The following ARIH1 variants were observed in gnomAD, a reference collection of about 807,000 sequenced individuals.
ARIH1 encodes the protein E3 ubiquitin-protein ligase ARIH1.
In ARIH1, 8 loss-of-function variants were observed where a neutral mutation model predicts 85.0. The ratio of observed to expected loss-of-function variants is 0.09; its 90% CI spans 0.06 to 0.17. ARIH1 has a LOEUF of 0.17. ARIH1 is among the 10% of genes least tolerant of loss of function. The pLI, the probability that ARIH1 is intolerant of heterozygous loss-of-function variation, is 1.00. For synonymous variants in ARIH1, 238 were observed against 253.6 expected (o/e 0.94, Z 0.59); for missense variants, 311 against 718.1 (o/e 0.43, Z 6.48).
At chr15:72,533,581 C>G (rs2064067706) in intron 2 of ARIH1, among the ~76,000 whole-genome samples, 1 of 152,092 alleles carries the variant, frequency 6.6e-6, no homozygotes, top group African/African-American at 2.4e-5. Flanking sequence ...TAATTCCGCT[C>G]TCAGGTATAT....
chr15:72,506,258 G>A (rs1049317063), intron 1 of ARIH1, among the ~76,000 whole-genome samples: 1 of 148,894 alleles, frequency 6.7e-6, no homozygotes, highest in Non-Finnish European at 1.5e-5. Flanking sequence ...GCTGAGGCAG[G>A]GGAATGGCGT....
At chr15:72,517,029 TAGTG>T (rs1400334686) in intron 1 of ARIH1, among the ~76,000 whole-genome samples, 1 of 152,186 alleles carries the variant, frequency 6.6e-6, no homozygotes, top group Non-Finnish European at 1.5e-5. Flanking sequence ...TGTGCACAAA[TAGTG>T]AGCTCACTAG....
At chr15:72,513,579 C>T (rs1403453035) in intron 1 of ARIH1, among the ~76,000 whole-genome samples, 1 of 152,020 alleles carries the variant, frequency 6.6e-6, no homozygotes, top group East Asian at 1.9e-4. Flanking sequence ...TGTCGCTTTT[C>T]CTTCTTTCCT....
In ARIH1 at chr15:72,528,263, A is replaced by T. The variant is rs562370926; in HGVS notation, c.443+10129A>T. On this transcript the variant is annotated intron_variant, in intron 2 of 13. Transcript: ENST00000379887. ...TTAACCACCTATAAAACTTAATTAT[A>T]CTTGGACAGGTATAATTAAAGAATC... is the stretch of plus-strand genomic sequence containing the variant. 2.0e-5 allele frequency among the ~76,000 whole-genome samples: 3 copies of T among 152,292 alleles called. No individual in the cohort carries two copies. The South Asian group carries it at 6.2e-4, about 32-fold the overall frequency.
intron 2 of ARIH1, among the ~76,000 whole-genome samples, chr15:72,533,799 CAGG>C (rs1054789518): frequency 6.6e-6 from 1 of 152,018 alleles, no homozygotes; most frequent in Non-Finnish European, 1.5e-5. Flanking sequence ...CCCAGCTACT[CAGG>C]AGGCTGAGGT....
At chr15:72,553,822 C>G (rs1308306440) in intron 3 of ARIH1, among the ~76,000 whole-genome samples, 1 of 152,104 alleles carries the variant, frequency 6.6e-6, no homozygotes, top group Non-Finnish European at 1.5e-5. Flanking sequence ...GAGACTGAGG[C>G]AGAAGAATCA....
intron 2 of ARIH1, among the ~76,000 whole-genome samples, chr15:72,523,319 C>G (rs1406598701): frequency 3.3e-5 from 5 of 152,130 alleles, no homozygotes; most frequent in Non-Finnish European, 5.9e-5. Context: ...CTAAAGAAAT[C>G]AGCTATCAAA....
chr15:72,538,998 T>C (rs151253315), intron 2 of ARIH1, among the ~76,000 whole-genome samples: 33 of 152,314 alleles, frequency 2.2e-4, no homozygotes, highest in Admixed American at 2.2e-3. Context: ...GCTGCTTGTT[T>C]TTTTACTTTG....
At chr15:72,475,624 T>G (rs1312408669) in intron 1 of ARIH1, among the ~76,000 whole-genome samples, 1 of 152,224 alleles carries the variant, frequency 6.6e-6, no homozygotes, top group African/African-American at 2.4e-5. Flanking sequence ...TACATCTTTT[T>G]TATGTCTTTG....
intron 1 of ARIH1, among the ~76,000 whole-genome samples, chr15:72,510,612 C>T (rs2063945934): frequency 6.6e-6 from 1 of 151,390 alleles, no homozygotes; most frequent in Admixed American, 6.6e-5. Context: ...TGGTGGGCGC[C>T]TGTATTCCCA....
Position 72,593,325 on chromosome 15 carries a change from C to G in ARIH1, c.*10033C>G, listed in dbSNP as rs2064350215. On this transcript the variant is annotated 3_prime_UTR_variant, in exon 14 of 14. Coordinates refer to ENST00000379887, the MANE Select transcript of ARIH1 (RefSeq NM_005744.5). ...GATATGCTATGATTTTTTAAAGACTCTATGTATTCACTTATTGGGATCTTT... is the reference window on the plus strand; with the variant it reads ...GATATGCTATGATTTTTTAAAGACTGTATGTATTCACTTATTGGGATCTTT... 1 of 151,950 alleles carries G rather than the reference C, an allele frequency of 6.6e-6. No homozygotes were observed. The highest frequency in any genetic ancestry group is 1.5e-5 in the Non-Finnish European group (1 of 67,974). The allele number at this position is 151,950 out of a possible 1,614,324, so 9.4% of individuals were successfully genotyped here.
chr15:72,499,680 A>G (rs1237281144), intron 1 of ARIH1, among the ~76,000 whole-genome samples: 1 of 152,174 alleles, frequency 6.6e-6, no homozygotes, highest in Non-Finnish European at 1.5e-5. Flanking sequence ...AACCTTCCTA[A>G]GAACAGTACT....
At chr15:72,566,492 AATG>A in intron 7 of ARIH1, 68 bp from the exon 8 acceptor site, 1 of 1,252,760 alleles carries the variant, frequency 8.0e-7, no homozygotes, top group East Asian at 2.3e-5. Context: ...TAAGGCATGA[AATG>A]ATTGGCTTAT....
intron 2 of ARIH1, among the ~76,000 whole-genome samples, chr15:72,535,948 G>A (rs1409604184): frequency 2.0e-5 from 3 of 152,184 alleles, no homozygotes; most frequent in East Asian, 1.9e-4. Flanking sequence ...CGGGGGTGGG[G>A]CGGGGGCAGA....
At chr15:72,521,105 A>C (rs1158665778) in intron 2 of ARIH1, among the ~76,000 whole-genome samples, 1 of 151,782 alleles carries the variant, frequency 6.6e-6, no homozygotes, top group East Asian at 1.9e-4. Context: ...TTGAACTCCC[A>C]AAATGCTGGA....
rs372914669 is a variant in ARIH1, at chr15:72,544,982, T to G, written c.588+18T>G. On this transcript the variant is annotated intron_variant, in intron 3 of 13. Transcript: ENST00000379887. ...CTAACTCGGTGAGTATCTGGTAGTT[T>G]AAGGCTAGTGCTGACTTTGTATTTC... 4 of 1,545,180 alleles carry G rather than the reference T, an allele frequency of 2.6e-6. No homozygotes were observed. In the African/African-American group the frequency reaches 5.5e-5, roughly 21 times the overall value.
intron 8 of ARIH1, 50 bp downstream of exon 8, chr15:72,566,655 C>T (rs1033117055): frequency 2.0e-6 from 3 of 1,473,394 alleles, no homozygotes; most frequent in Non-Finnish European, 2.8e-6. Flanking sequence ...ACTTCTAAGA[C>T]TTAGTGACTA....
At chr15:72,537,832 A>G (rs1288053071) in intron 2 of ARIH1, among the ~76,000 whole-genome samples, 2 of 152,220 alleles carry the variant, frequency 1.3e-5, no homozygotes, top group African/African-American at 4.8e-5. Flanking sequence ...CGATACCCAT[A>G]AACTGCCATA....
intron 2 of ARIH1, among the ~76,000 whole-genome samples, chr15:72,536,704 G>C (rs899219571): frequency 6.6e-6 from 1 of 152,146 alleles, no homozygotes; most frequent in Non-Finnish European, 1.5e-5. Context: ...ACTGTGGTTA[G>C]TTCCTTAATC....
Sources: allele counts gnomAD v4.1 joint callset (sites outside exome capture counted in the v4.1 genomes callset), GRCh38; gene constraint gnomAD v4.1.1; transcripts MANE v1.5; gene names NCBI Gene and HGNC (gene_info 2026-07-23, HGNC 2026-07-21).